Variants in TENM3 observed in about 807,000 individuals in gnomAD.
TENM3 encodes teneurin-3.
In TENM3, 63 loss-of-function variants were observed where a neutral mutation model predicts 255.1. The observed-to-expected ratio is 0.25, with a 90% confidence interval of 0.20 to 0.30. The LOEUF is 0.30. Among genes scored for constraint, TENM3 ranks in the 10% least tolerant of loss-of-function variants. TENM3 has a pLI of 1.00. For missense variants in TENM3, 2,929 were observed against 3,461.1 expected, an observed-to-expected ratio of 0.85 and a Z score of 3.86; for synonymous variants, 1,306 against 1,322.3, an observed-to-expected ratio of 0.99 and a Z score of 0.27.
chr4:181,670,344 T>C, the TENM3 span, among the ~76,000 whole-genome samples: 2 of 152,330 alleles, frequency 1.3e-5, no homozygotes, highest in Middle Eastern at 3.4e-3. Context: ...TTTTCTTCTC[T>C]GGTAATTCTA....
the TENM3 span, among the ~76,000 whole-genome samples, chr4:181,653,035 C>A: frequency 3.3e-5 from 5 of 152,136 alleles, no homozygotes; most frequent in African/African-American, 1.2e-4. Context: ...AATTTTGTCT[C>A]AAAAAATCGG....
chr4:182,268,803 TAATC>T (rs1209752901), intron 1 of TENM3, among the ~76,000 whole-genome samples: 4 of 152,154 alleles, frequency 2.6e-5, no homozygotes, highest in African/African-American at 7.2e-5. Context: ...GAGGCATTAA[TAATC>T]TACCCCTCAT....
At chr4:181,528,011 A>G in the TENM3 span, among the ~76,000 whole-genome samples, 1,445 of 152,234 alleles carry the variant, frequency 9.5e-3, 26 homozygotes, top group African/African-American at 0.032. Flanking sequence ...ACAATTTTTT[A>G]AAAGGGGGGG....
intron 1 of TENM3, among the ~76,000 whole-genome samples, chr4:182,228,953 G>A (rs1369947651): frequency 2.0e-5 from 3 of 152,188 alleles, no homozygotes; most frequent in African/African-American, 4.8e-5. Context: ...CTGTCATGGG[G>A]CATGTCTCAG....
At chr4:181,535,050 A>C in the TENM3 span, among the ~76,000 whole-genome samples, 1 of 152,164 alleles carries the variant, frequency 6.6e-6, no homozygotes, top group Non-Finnish European at 1.5e-5. Context: ...TCTTTTGGGT[A>C]ACATGACTTC....
chr4:182,299,773 CG>C (rs71605059), intron 1 of TENM3, among the ~76,000 whole-genome samples: 12,529 of 150,664 alleles, frequency 0.083, 667 homozygotes, highest in Non-Finnish European at 0.12. Flanking sequence ...ATGCCAAGGA[CG>C]GGGGGAGGGA....
chr4:181,781,977 T>C, the TENM3 span, among the ~76,000 whole-genome samples: 2 of 152,242 alleles, frequency 1.3e-5, no homozygotes, highest in African/African-American at 4.8e-5. Flanking sequence ...GCCCACTTGA[T>C]CATGGTGGAT....
the TENM3 span, among the ~76,000 whole-genome samples, chr4:181,461,183 G>A: frequency 4.0e-5 from 6 of 151,558 alleles, no homozygotes; most frequent in African/African-American, 7.3e-5. Flanking sequence ...TTTTTTTCTG[G>A]GATAGAAAGG....
chr4:181,951,297 T>G, the TENM3 span, among the ~76,000 whole-genome samples: 4 of 152,180 alleles, frequency 2.6e-5, no homozygotes, highest in Non-Finnish European at 5.9e-5. Flanking sequence ...TCTATTTTAC[T>G]TTTGTTAACC....
chr4:182,593,962 C>T (rs542082550), intron 3 of TENM3, among the ~76,000 whole-genome samples: 1 of 150,798 alleles, frequency 6.6e-6, no homozygotes, highest in Admixed American at 6.6e-5. Flanking sequence ...CCAGCAGTAG[C>T]TTTTAGTCTT....
At chr4:182,784,979 G>A (rs149764670) in intron 24 of TENM3, among the ~76,000 whole-genome samples, 18,403 of 152,082 alleles carry the variant, frequency 0.12, 1,422 homozygotes, top group East Asian at 0.25. Context: ...GGATGAACCC[G>A]GTACCTCAGA....
chr4:182,394,891 G>A (rs958639334), intron 3 of TENM3, among the ~76,000 whole-genome samples: 5 of 152,164 alleles, frequency 3.3e-5, no homozygotes, highest in African/African-American at 9.7e-5. Context: ...TGCCGTACAG[G>A]CCAGAAAGAT....
chr4:181,777,196 G>T, the TENM3 span, among the ~76,000 whole-genome samples: 1 of 151,664 alleles, frequency 6.6e-6, no homozygotes, highest in African/African-American at 2.4e-5. Context: ...ATTTCCCCAT[G>T]TATGCCGACA....
chr4:182,286,972 A>T lies in TENM3; in HGVS notation c.-75-36974A>T, dbSNP rs147091715. ...ACCAGGCACGGTGGCTGACATCTGT[A>T]ATCCCAGTGTTTTGGGAGGCCAAGG... On this transcript the variant is annotated intron_variant, in intron 1 of 27. Coordinates refer to ENST00000511685, the MANE Select transcript of TENM3 (RefSeq NM_001080477.4). Among the ~76,000 whole-genome samples, 100 of 152,312 alleles carry T rather than the reference A, an allele frequency of 6.6e-4. 1 individual carries two copies. The highest frequency in any genetic ancestry group is 1.3e-3 in the Non-Finnish European group (90 of 68,028).
Position 182,799,151 on chromosome 4 carries a change from G to A in TENM3, c.7345-445G>A, listed in dbSNP as rs1309765912. On this transcript the variant is annotated intron_variant, in intron 27 of 27. Coordinates refer to ENST00000511685, the MANE Select transcript of TENM3 (RefSeq NM_001080477.4). This position sits in a 1 kb window ranked among gnomAD's most constrained non-coding sequence, Gnocchi z 4.2. ...AAGCATTTCAAAGCATACGAAGCGG[G>A]GCCCTGTGATCGGCACTAAGTATCC... 6.6e-6 allele frequency among the ~76,000 whole-genome samples: 1 copy of A among 152,134 alleles called. No homozygotes were observed. The highest frequency in any genetic ancestry group is 1.5e-5 in the Non-Finnish European group (1 of 68,032).
chr4:182,530,408 C>T (rs1739651874), intron 3 of TENM3, among the ~76,000 whole-genome samples: 1 of 152,090 alleles, frequency 6.6e-6, no homozygotes, highest in Non-Finnish European at 1.5e-5. Context: ...GAAAGTAGTT[C>T]AGAAGGATAC....
chr4:181,737,805 A>G, the TENM3 span, among the ~76,000 whole-genome samples: 1 of 151,758 alleles, frequency 6.6e-6, no homozygotes, highest in African/African-American at 2.4e-5. Context: ...GATATGCCCT[A>G]GCTTAAATGC....
chr4:182,249,024 T>C lies in TENM3; in HGVS notation c.-76+5548T>C, dbSNP rs998913614. Among the ~76,000 whole-genome samples the C allele has an allele frequency of 5.9e-5, 9 of 152,340 alleles. 1 individual carries two copies. The highest frequency in any genetic ancestry group is 3.9e-4 in the Admixed American group (6 of 15,304). ...CTCTACAAACTTTATATGTTTTAACTTGTGAATTTTCAGAACAACCCTGTG... is the reference window on the plus strand; with the variant it reads ...CTCTACAAACTTTATATGTTTTAACCTGTGAATTTTCAGAACAACCCTGTG... On this transcript the variant is annotated intron_variant, in intron 1 of 27. Transcript: ENST00000511685.
rs987592512 is a variant in TENM3 at position 182,204,169 on chromosome 4, C to T, written c.-76+59415C>T. ...GAGGTTTTGAGGCTCATTATGATTA[C>T]GAAATGTAAGGAATCCAGATTTTGC... On this transcript the variant is annotated intron_variant, in intron 1 of 2. Coordinates refer to the TENM3 transcript ENST00000512480. Among the ~76,000 whole-genome samples, 14 of 152,104 alleles carry T rather than the reference C, an allele frequency of 9.2e-5. 1 individual carries two copies. Among genetic ancestry groups the T allele is most frequent in the Non-Finnish European group, 7.4e-5 (5 of 68,026 alleles).
Sources: allele counts gnomAD v4.1 joint callset (sites outside exome capture counted in the v4.1 genomes callset), GRCh38; gene constraint gnomAD v4.1.1; non-coding constraint Gnocchi (gnomAD v3.1); transcripts MANE v1.5; gene names NCBI Gene and HGNC (gene_info 2026-07-23, HGNC 2026-07-21).